KCTD3: variants seen among roughly 807,000 people sequenced by gnomAD.
The protein encoded by KCTD3 is BTB/POZ domain-containing protein KCTD3.
A neutral mutation model predicts 85.8 loss-of-function variants in KCTD3; 41 were observed. That is an observed-to-expected ratio of 0.48 (90% CI 0.37 to 0.62). The LOEUF (loss-of-function observed/expected upper bound fraction) is 0.62. Ranked by LOEUF, KCTD3 falls within the 20% of genes least tolerant of loss-of-function variation. KCTD3 has a pLI of 0.00. For missense variants in KCTD3, 724 were observed against 989.9 expected (o/e 0.73, Z 3.60); for synonymous variants, 338 against 345.4 (o/e 0.98, Z 0.24).
intron 4 of KCTD3, 129 bp downstream of exon 4, chr1:215,576,103 C>T: frequency 1.6e-6 from 1 of 610,002 alleles, no homozygotes; most frequent in South Asian, 2.1e-5. Context: ...CTCTGTTGCC[C>T]AGGCTGGAGT....
chr1:215,619,435 G>GTA lies in KCTD3; in HGVS notation c.1886+145_1886+146insAT. The GTA allele has an allele frequency of 5.7e-6, 4 of 699,968 alleles. No homozygotes were observed. The South Asian group carries it at 1.0e-4, about 18-fold the overall frequency. 43.4% of individuals were successfully genotyped at this position (699,968 alleles called of 1,614,324 possible). On this transcript the variant is annotated intron_variant, in intron 17 of 17. Coordinates refer to ENST00000259154, the MANE Select transcript of KCTD3 (RefSeq NM_016121.5). Reference sequence around the variant, plus strand: ...CAGACATTATGTTAACTTTTTAACAGTTTTACCAAATTTCTTGATAGGCAT... The same window carrying GTA: ...CAGACATTATGTTAACTTTTTAACAGTATTTTACCAAATTTCTTGATAGGCAT...
In KCTD3 at chr1:215,608,002, C is replaced by A. The variant is rs200976075; in HGVS notation, c.1310-15C>A. 6.3e-7 allele frequency: 1 copy of A among 1,577,858 alleles called. No homozygotes were observed. The highest frequency in any genetic ancestry group is 8.6e-7 in the Non-Finnish European group (1 of 1,167,600). On this transcript the variant is annotated splice_polypyrimidine_tract_variant and intron_variant, in intron 13 of 17. Coordinates refer to ENST00000259154, the MANE Select transcript of KCTD3 (RefSeq NM_016121.5). ...AAGTAATTTTGTATTCTTTTGTGTT[C>A]TCTTTCTCTGCTAGTCTGTGCAGAT...
At chr1:215,580,846 A>G (rs1386343482) in intron 8 of KCTD3, 2 of 293,604 alleles carry the variant, frequency 6.8e-6, no homozygotes, top group Non-Finnish European at 1.4e-5. Context: ...TCCCAGATGT[A>G]TTTTTTTTTT....
At position 215,577,982 on chromosome 1, in the gene KCTD3, TG is replaced by T; in HGVS notation, c.317-18del. The T allele has an allele frequency of 6.2e-7, 1 of 1,604,934 alleles. No homozygotes were observed. The highest frequency in any genetic ancestry group is 8.5e-7 in the Non-Finnish European group (1 of 1,174,100). ...TGTTTGCATGTACTCTTGACAAGTT[TG>T]CTTTGAAATGTTTTTAGTAAGAAGG... On this transcript the variant is annotated intron_variant, in intron 5 of 17. Coordinates refer to ENST00000259154, the MANE Select transcript of KCTD3 (RefSeq NM_016121.5).
intron 15 of KCTD3, 54 bp from the exon 16 acceptor site, chr1:215,618,832 C>T: frequency 3.0e-6 from 4 of 1,316,556 alleles, no homozygotes; most frequent in East Asian, 4.9e-5. Flanking sequence ...TTCATAGCTT[C>T]TTTTTAAATA....
intron 9 of KCTD3, among the ~76,000 whole-genome samples, chr1:215,588,929 C>T (rs1660118581): frequency 6.6e-6 from 1 of 152,168 alleles, no homozygotes; most frequent in African/African-American, 2.4e-5. Context: ...TTTCATCTAG[C>T]AGGCATTCAG....
intron 3 of KCTD3, 151 bp from the exon 4 acceptor site, chr1:215,575,750 A>G (rs1040708383): frequency 3.7e-6 from 2 of 545,018 alleles, no homozygotes; most frequent in Admixed American, 3.8e-5. Flanking sequence ...CACAGACTAC[A>G]TTCCAATTTT....
rs777285795 is a variant in KCTD3 at position 215,620,641 on chromosome 1, G to T, written c.*23G>T. ...TGAAAACTCACCAAAATGAATAGTTGTTTCGTTACATTTAGATGAAAGTTA... is the reference window on the plus strand; with the variant it reads ...TGAAAACTCACCAAAATGAATAGTTTTTTCGTTACATTTAGATGAAAGTTA... On this transcript the variant is annotated 3_prime_UTR_variant, in exon 18 of 18. Transcript: ENST00000259154. The T allele has an allele frequency of 2.0e-6, 3 of 1,478,892 alleles. No homozygotes were observed. The highest frequency in any genetic ancestry group is 1.3e-5 in the South Asian group (1 of 77,178). 91.6% of individuals were successfully genotyped at this position (1,478,892 alleles called of 1,614,324 possible). A position where few individuals can be genotyped will look rare whatever the true frequency, so the allele number is the denominator to read the frequency against.
At chr1:215,568,198 G>C (rs1194163179) in intron 1 of KCTD3, among the ~76,000 whole-genome samples, 1 of 152,150 alleles carries the variant, frequency 6.6e-6, no homozygotes, top group African/African-American at 2.4e-5. Context: ...CGAGGTGTCG[G>C]TTTTCTTAGG....
chr1:215,596,515 G>C (rs908663509), intron 10 of KCTD3, among the ~76,000 whole-genome samples: 1 of 152,098 alleles, frequency 6.6e-6, no homozygotes, highest in African/African-American at 2.4e-5. Flanking sequence ...AAGGGGACAG[G>C]ATAGACAACC....
intron 1 of KCTD3, among the ~76,000 whole-genome samples, chr1:215,570,075 A>G (rs533570282): frequency 6.6e-6 from 1 of 152,322 alleles, no homozygotes; most frequent in Admixed American, 6.5e-5. Flanking sequence ...ACAGTGTAAC[A>G]TAGTCACTTA....
chr1:215,618,091 G>T (rs1298464955), intron 15 of KCTD3: 1 of 467,922 alleles, frequency 2.1e-6, no homozygotes, highest in Non-Finnish European at 4.4e-6. Context: ...TTGTCAGTCT[G>T]TGTGGTGTCA....
chr1:215,602,339 C>CT (rs1485031796), intron 12 of KCTD3, 138 bp downstream of exon 12: 23 of 489,396 alleles, frequency 4.7e-5, no homozygotes, highest in Non-Finnish European at 6.6e-5. Flanking sequence ...TCTACTAAGT[C>CT]TAAAATTTGT....
At chr1:215,611,444 AC>A (rs1485677737) in intron 14 of KCTD3, among the ~76,000 whole-genome samples, 23 of 152,166 alleles carry the variant, frequency 1.5e-4, no homozygotes, top group African/African-American at 5.5e-4. Flanking sequence ...AAGTAAAATC[AC>A]TACATGAAAT....
intron 9 of KCTD3, among the ~76,000 whole-genome samples, chr1:215,588,427 A>G (rs1273418719): frequency 6.6e-6 from 1 of 150,632 alleles, no homozygotes; most frequent in Admixed American, 6.6e-5. Context: ...CTTTAATTTA[A>G]TCTTTAAATC....
At chr1:215,578,631 G>A (rs1344090860) in intron 6 of KCTD3, among the ~76,000 whole-genome samples, 1 of 152,120 alleles carries the variant, frequency 6.6e-6, no homozygotes, top group Non-Finnish European at 1.5e-5. Flanking sequence ...TTGAAAGTAT[G>A]GGGAATTTCA....
intron 3 of KCTD3, 64 bp downstream of exon 3, chr1:215,574,182 ATAGT>A: frequency 1.1e-6 from 1 of 927,080 alleles, no homozygotes; most frequent in South Asian, 1.9e-5. Flanking sequence ...GTCCTAACAT[ATAGT>A]TACTCTAAGA....
At chr1:215,601,001 A>C (rs1654812408) in intron 10 of KCTD3, among the ~76,000 whole-genome samples, 1 of 151,768 alleles carries the variant, frequency 6.6e-6, no homozygotes, top group Non-Finnish European at 1.5e-5. Flanking sequence ...GCAGTGGCAC[A>C]ATCCCCGCTC....
At chr1:215,571,426 T>G (rs747699390) in intron 1 of KCTD3, among the ~76,000 whole-genome samples, 2 of 152,222 alleles carry the variant, frequency 1.3e-5, no homozygotes, top group Non-Finnish European at 2.9e-5. Flanking sequence ...TAGGAACTGC[T>G]TATAAACACC....
Sources: gnomAD v4.1 joint callset for allele counts (sites outside exome capture counted in the v4.1 genomes callset) on GRCh38, gnomAD v4.1.1 for gene constraint, MANE v1.5 for transcripts, NCBI Gene and HGNC (gene_info 2026-07-23, HGNC 2026-07-21) for gene names.